The following GCDH variants were observed in gnomAD, a reference collection of about 807,000 sequenced individuals.
GCDH encodes the protein glutaryl-CoA dehydrogenase.
Under a neutral mutation model 52.8 loss-of-function variants are expected in GCDH, and 31 were observed. The ratio of observed to expected loss-of-function variants is 0.59; its 90% CI spans 0.44 to 0.79. The LOEUF (loss-of-function observed/expected upper bound fraction) is 0.79, where lower values mean the gene tolerates loss of function less well. Among genes scored for constraint, GCDH ranks in the 30% least tolerant of loss-of-function variants. GCDH has a pLI of 0.00. For synonymous variants in GCDH, 242 were observed against 250.0 expected, an observed-to-expected ratio of 0.97 and a Z score of 0.30; for missense variants, 509 against 595.0, an observed-to-expected ratio of 0.86 and a Z score of 1.50.
Position 12,896,528 on chromosome 19 carries a change from A to C in GCDH, c.852+107A>C. 1.1e-6 allele frequency: 1 copy of C among 879,518 alleles called. No homozygotes were observed. Among genetic ancestry groups the C allele is most frequent in the Non-Finnish European group, 1.8e-6 (1 of 546,226 alleles). The allele number at this position is 879,518 out of a possible 1,614,324, so 54.5% of individuals were successfully genotyped here. A position where few individuals can be genotyped will look rare whatever the true frequency, so the allele number is the denominator to read the frequency against. ...GGCTCCCTGTGCCTGTGGAGCCCAC[A>C]CAGTGGTGATTCTTACTCAGCCGGA... On this transcript the variant is annotated intron_variant, in intron 8 of 11. Transcript: ENST00000222214. This position sits in a 1 kb window ranked among gnomAD's most constrained non-coding sequence, Gnocchi z 5.5.
Position 12,891,929 on chromosome 19 carries a change from C to G in GCDH, c.226C>G (p.Gln76Glu), listed in dbSNP as rs898043081. The G allele has an allele frequency of 6.2e-7, 1 of 1,614,224 alleles. No homozygotes were observed. The highest frequency in any genetic ancestry group is 1.1e-5 in the South Asian group (1 of 91,088). The change falls in exon 4 of 12, where the codon CAG becomes GAG. Residue 76 changes from glutamine to glutamate, a missense_variant. Coordinates refer to ENST00000222214, the MANE Select transcript of GCDH (RefSeq NM_000159.4). Reference sequence around the variant, plus strand: ...CAGGGACACCTTCCGCACCTACTGCCAGGAGAGACTCATGCCTCGCATCCT... The same window carrying G: ...CAGGGACACCTTCCGCACCTACTGCGAGGAGAGACTCATGCCTCGCATCCT... Reference protein sequence around the residue: ...LIRDTFRTYCQERLMPRILLA... With the variant: ...LIRDTFRTYCEERLMPRILLA...
At chr19:12,898,479 C>T (rs988409930) in intron 11 of GCDH, 1 of 157,108 alleles carries the variant, frequency 6.4e-6, no homozygotes, top group Non-Finnish European at 1.4e-5. Context: ...GGAGGGGTGC[C>T]TTCCCTGCGC....
At position 12,892,266 on chromosome 19, in the gene GCDH, T is replaced by C. The variant is rs1970577199; in HGVS notation, c.334+88T>C. On this transcript the variant is annotated intron_variant, in intron 5 of 11. Transcript: ENST00000222214. The stretch of plus-strand genomic sequence containing the variant: ...TTCCCTCCCTCCCTTTCTTCCTTCC[T>C]TCTCTTTCTTTTCTTTTCCTTTTCT... 2.7e-6 allele frequency: 3 copies of C among 1,111,886 alleles called. No individual in the cohort carries two copies. The South Asian group carries it at 3.7e-5, about 14-fold the overall frequency. The allele number at this position is 1,111,886 out of a possible 1,614,324, so 68.9% of individuals were successfully genotyped here. A position where few individuals can be genotyped will look rare whatever the true frequency, so the allele number is the denominator to read the frequency against.
At chr19:12,898,179 T>C in intron 11 of GCDH, 1 of 421,432 alleles carries the variant, frequency 2.4e-6, no homozygotes, top group South Asian at 2.1e-5. Flanking sequence ...GAGGCCCGAC[T>C]CCTAGCAGGC....
chr19:12,896,401 C>T lies in GCDH; in HGVS notation c.832C>T (p.Pro278Ser), dbSNP rs751742575. The T allele has an allele frequency of 8.1e-6, 13 of 1,613,368 alleles. No homozygotes were observed. Among genetic ancestry groups the T allele is most frequent in the Non-Finnish European group, 1.1e-5 (13 of 1,179,820 alleles). ...GVEVPEENVL[P>S]GASSLGGPFG... ...GGAGGTGCCAGAGGAGAATGTGCTC[C>T]CTGGTGCATCCAGCCTGGGGGTAAG... Residue 278 changes from proline to serine, a missense_variant, in exon 8 of 12, where the codon CCT becomes TCT. Coordinates refer to ENST00000222214, the MANE Select transcript of GCDH (RefSeq NM_000159.4). The surrounding 1 kb of genome is among the most constrained non-coding windows in gnomAD (Gnocchi z 5.5).
In GCDH at chr19:12,899,779, A is replaced by G. The variant is rs1423460816; in HGVS notation, c.*238A>G. The G allele has an allele frequency of 1.2e-6, 2 of 1,602,386 alleles. No homozygotes were observed. Among genetic ancestry groups the G allele is most frequent in the Non-Finnish European group, 8.5e-7 (1 of 1,170,268 alleles). On this transcript the variant is annotated 3_prime_UTR_variant, in exon 12 of 12. Coordinates refer to ENST00000222214, the MANE Select transcript of GCDH (RefSeq NM_000159.4). ...TCCACTTTTAACCATGGATGAGAGC[A>G]GACTCCATTTACCCTGAAATAGCAG...
rs1162628531 is a variant in GCDH, at chr19:12,896,109, G to A, written c.623G>A (p.Gly208Glu). The A allele has an allele frequency of 1.2e-6, 2 of 1,613,912 alleles. No homozygotes were observed. Among genetic ancestry groups the A allele is most frequent in the Non-Finnish European group, 1.7e-6 (2 of 1,180,014 alleles). ...NSSNKSYTLNGTKTWITNSPM... is the reference protein window; with the variant it reads ...NSSNKSYTLNETKTWITNSPM... Reference sequence around the variant, plus strand: ...TCCAACAAGAGCTACACCCTCAATGGGACCAAGACCTGGTAAGGGTTCTGG... The same window carrying A: ...TCCAACAAGAGCTACACCCTCAATGAGACCAAGACCTGGTAAGGGTTCTGG... Residue 208 changes from glycine (G) to glutamate (E), a missense_variant, in exon 7 of 12, where the codon GGG (glycine) becomes GAG (glutamate). Coordinates refer to ENST00000222214, the MANE Select transcript of GCDH (RefSeq NM_000159.4). This position sits in a 1 kb window ranked among gnomAD's most constrained non-coding sequence, Gnocchi z 5.5.
chr19:12,896,558 C>T lies in GCDH; in HGVS notation c.852+137C>T, dbSNP rs1481300660. On this transcript the variant is annotated intron_variant, in intron 8 of 11. Transcript: ENST00000222214. This position sits in a 1 kb window ranked among gnomAD's most constrained non-coding sequence, Gnocchi z 5.5. ...GGTGATTCTTACTCAGCCGGACTCG[C>T]TGACGTGCTGAAAACTGCCCCCATT... 4 of 764,776 alleles carry T rather than the reference C, an allele frequency of 5.2e-6. No individual in the cohort carries two copies. Among genetic ancestry groups the T allele is most frequent in the Admixed American group, 2.0e-5 (1 of 49,422 alleles). The allele number at this position is 764,776 out of a possible 1,614,324, so 47.4% of individuals were successfully genotyped here. A position where few individuals can be genotyped will look rare whatever the true frequency, so the allele number is the denominator to read the frequency against.
chr19:12,897,309 G>A lies in GCDH; in HGVS notation c.963G>A (p.Gln321=). ...CCTGCCATTGCCCATGTAGGATGCA[G>A]TTTGGTGTCCCACTGGCCAGGAACC... is the stretch of plus-strand genomic sequence containing the variant. The part of the protein sequence containing the change: ...TARQYALDRM[Q]FGVPLARNQL... The change falls in exon 10 of 12, where the codon CAG becomes CAA. Residue 321 remains glutamine (Q), a synonymous_variant. Transcript: ENST00000222214. The A allele has an allele frequency of 6.2e-7, 1 of 1,613,812 alleles. No homozygotes were observed. Among genetic ancestry groups the A allele is most frequent in the East Asian group, 2.2e-5 (1 of 44,868 alleles).
intron 3 of GCDH, 69 bp from the exon 4 acceptor site, chr19:12,891,762 T>G: frequency 1.2e-6 from 2 of 1,610,226 alleles, no homozygotes; most frequent in Non-Finnish European, 1.7e-6. Flanking sequence ...GGGGTAGGGC[T>G]GATGAGGGTC....
chr19:12,896,549 C>T lies in GCDH; in HGVS notation c.852+128C>T. 1.3e-6 allele frequency: 1 copy of T among 794,584 alleles called. No individual in the cohort carries two copies. The highest frequency in any genetic ancestry group is 2.1e-6 in the Non-Finnish European group (1 of 472,094). The allele number at this position is 794,584 out of a possible 1,614,324, so 49.2% of individuals were successfully genotyped here. A position where few individuals can be genotyped will look rare whatever the true frequency, so the allele number is the denominator to read the frequency against. ...CCACACAGTGGTGATTCTTACTCAG[C>T]CGGACTCGCTGACGTGCTGAAAACT... On this transcript the variant is annotated intron_variant, in intron 8 of 11. Coordinates refer to ENST00000222214, the MANE Select transcript of GCDH (RefSeq NM_000159.4). The surrounding 1 kb of genome is among the most constrained non-coding windows in gnomAD (Gnocchi z 5.5).
At chr19:12,897,629 C>T in intron 10 of GCDH, 74 bp from the exon 11 acceptor site, 1 of 1,577,950 alleles carries the variant, frequency 6.3e-7, no homozygotes, top group Non-Finnish European at 8.7e-7. Flanking sequence ...GAATCCCCAC[C>T]CCGGGCTAGG....
At position 12,891,204 on chromosome 19, in the gene GCDH, T is replaced by G. The variant is rs1327674350; in HGVS notation, c.-35+2T>G. 3 of 877,658 alleles carry G rather than the reference T, an allele frequency of 3.4e-6. No homozygotes were observed. The highest frequency in any genetic ancestry group is 5.5e-6 in the Non-Finnish European group (3 of 543,022). The allele number at this position is 877,658 out of a possible 1,614,324, so 54.4% of individuals were successfully genotyped here. On this transcript the variant is annotated splice_donor_variant, in intron 1 of 11. Transcript: ENST00000222214. LOFTEE classifies it low-confidence loss of function (5UTR_SPLICE). Reference sequence around the variant, plus strand: ...CAGTGAACCGGGAGGTACTACCAGGTAAGGAAGGTGCGGTAGCCCCAGCCG... The same window carrying G: ...CAGTGAACCGGGAGGTACTACCAGGGAAGGAAGGTGCGGTAGCCCCAGCCG...
Position 12,895,998 on chromosome 19 carries a change from G to A in GCDH, c.512G>A (p.Gly171Glu). 6.2e-7 allele frequency: 1 copy of A among 1,614,054 alleles called. No individual in the cohort carries two copies. The highest frequency in any genetic ancestry group is 8.5e-7 in the Non-Finnish European group (1 of 1,179,986). Residue 171 changes from glycine to glutamate, a missense_variant, in exon 7 of 12, where the codon GGG (glycine) becomes GAG (glutamate). Gly to Glu is a moderately conservative substitution (Grantham distance 98). Transcript: ENST00000222214. ...CTTTGTCTTGTGCCTGCAGCCAAGG[G>A]GGAGCTCCTGGGCTGCTTCGGGCTC... ...RQKYLPQLAKGELLGCFGLTE... is the reference protein window; with the variant it reads ...RQKYLPQLAKEELLGCFGLTE...
At chr19:12,891,558 C>T (rs1568424439) in intron 3 of GCDH, 36 bp downstream of exon 3, 2 of 1,614,116 alleles carry the variant, frequency 1.2e-6, no homozygotes, top group Non-Finnish European at 8.5e-7. Context: ...GTCTGCTGCC[C>T]CTGTTCAGCT....
chr19:12,897,324 G>T lies in GCDH; in HGVS notation c.978G>T (p.Leu326=). 2 of 1,613,830 alleles carry T rather than the reference G, an allele frequency of 1.2e-6. No individual in the cohort carries two copies. Among genetic ancestry groups the T allele is most frequent in the Non-Finnish European group, 1.7e-6 (2 of 1,179,982 alleles). Residue 326 remains leucine (L), a synonymous_variant, in exon 10 of 12, where the codon CTG becomes CTT. Transcript: ENST00000222214. The stretch of plus-strand genomic sequence containing the variant: ...GTAGGATGCAGTTTGGTGTCCCACT[G>T]GCCAGGAACCAGCTGATTCAGAAGA... The part of the protein sequence containing the change: ...ALDRMQFGVP[L]ARNQLIQKKL...
chr19:12,897,098 CCA>C, intron 9 of GCDH, 85 bp downstream of exon 9: 1 of 1,242,890 alleles, frequency 8.0e-7, no homozygotes, highest in South Asian at 1.2e-5. Context: ...TCCCCAGCCC[CCA>C]CCCACCAGGC....
At chr19:12,891,800 G>A (rs764661339) in intron 3 of GCDH, 31 bp from the exon 4 acceptor site, 1 of 1,612,750 alleles carries the variant, frequency 6.2e-7, no homozygotes, top group Non-Finnish European at 8.5e-7. Context: ...GTGATCTTGC[G>A]GACTGGACCG....
chr19:12,899,214 GT>G, intron 11 of GCDH: 1 of 866,108 alleles, frequency 1.2e-6, no homozygotes. Flanking sequence ...GGAGCTTTGG[GT>G]TTTTGTTTTT....
Sources: allele counts gnomAD v4.1 joint callset, GRCh38; gene constraint gnomAD v4.1.1; non-coding constraint Gnocchi (gnomAD v3.1); transcripts MANE v1.5; gene names NCBI Gene and HGNC (gene_info 2026-07-23, HGNC 2026-07-21).